Variants in ZMYM4 observed in about 807,000 individuals in gnomAD.
ZMYM4 encodes zinc finger MYM-type protein 4.
A neutral mutation model predicts 183.2 loss-of-function variants in ZMYM4; 31 were observed. The observed-to-expected ratio is 0.17, with a 90% CI of 0.13 to 0.23. The LOEUF is 0.23. ZMYM4 is among the 10% of genes least tolerant of loss of function. The pLI is 1.00. For synonymous variants in ZMYM4, 592 were observed against 631.2 expected (o/e 0.94, Z 0.93); for missense variants, 1,273 against 1,840.3 (o/e 0.69, Z 5.64).
rs766534408 is a variant in ZMYM4 at position 35,392,358 on chromosome 1, G to A, written c.2728+6G>A. The A allele has an allele frequency of 8.7e-6, 14 of 1,610,686 alleles. No individual in the cohort carries two copies. Among genetic ancestry groups the A allele is most frequent in the Admixed American group, 5.1e-5 (3 of 59,164 alleles). ...TTCTAACAGTGTCTTACAAGGTATG[G>A]CTTGATTGGAAAGCATTTATCTAGC... On this transcript the variant is annotated splice_donor_region_variant and intron_variant, in intron 16 of 29. Transcript: ENST00000314607.
At chr1:35,345,741 C>G (rs1198579457) in intron 2 of ZMYM4, among the ~76,000 whole-genome samples, 2 of 152,164 alleles carry the variant, frequency 1.3e-5, no homozygotes, top group Non-Finnish European at 1.5e-5. Context: ...GCCACTGTAC[C>G]CAGCCTCCCA....
At chr1:35,386,895 C>T in intron 11 of ZMYM4, 108 bp from the exon 12 acceptor site, 1 of 1,250,672 alleles carries the variant, frequency 8.0e-7, no homozygotes, top group Non-Finnish European at 1.1e-6. Flanking sequence ...TGCCTGTTAA[C>T]AGATGTACCT....
chr1:35,389,127 A>T lies in ZMYM4; in HGVS notation c.2436+45A>T. Reference sequence around the variant, plus strand: ...CTGGGTTTTTCATTCTAGGGCATAAATTATTCCCTTTTAAAATTTCATGTC... The same window carrying T: ...CTGGGTTTTTCATTCTAGGGCATAATTTATTCCCTTTTAAAATTTCATGTC... On this transcript the variant is annotated intron_variant, in intron 14 of 29. Coordinates refer to ENST00000314607, the MANE Select transcript of ZMYM4 (RefSeq NM_005095.3). This position sits in a 1 kb window ranked among gnomAD's most constrained non-coding sequence, Gnocchi z 4.0. 6.5e-7 allele frequency: 1 copy of T among 1,535,292 alleles called. No individual in the cohort carries two copies. Among genetic ancestry groups the T allele is most frequent in the Non-Finnish European group, 8.8e-7 (1 of 1,141,152 alleles).
At chr1:35,324,889 G>A (rs1445839788) in intron 1 of ZMYM4, among the ~76,000 whole-genome samples, 1 of 152,214 alleles carries the variant, frequency 6.6e-6, no homozygotes, top group East Asian at 1.9e-4. Flanking sequence ...AGGCACTAAC[G>A]TACTCAGTAG....
At position 35,389,779 on chromosome 1, in the gene ZMYM4, ATATGTG is replaced by A. The variant is rs1475694165; in HGVS notation, c.2437-167_2437-162del. Among the ~76,000 whole-genome samples the A allele has an allele frequency of 8.7e-6, 1 of 114,290 alleles. No homozygotes were observed. Among genetic ancestry groups the A allele is most frequent in the African/African-American group, 6.0e-5 (1 of 16,646 alleles). 75.0% of individuals were successfully genotyped at this position (114,290 alleles called of 152,430 possible). On this transcript the variant is annotated intron_variant, in intron 14 of 29. Transcript: ENST00000314607. The surrounding 1 kb of genome is among the most constrained non-coding windows in gnomAD (Gnocchi z 4.0). ...CAAAAAAAAAAAAAAATATATATAT[ATATGTG>A]TGTGTGTGTGTGTGTGTGTGTGTAT...
chr1:35,352,386 G>GCGCGCGCGCA (rs1231646476), intron 2 of ZMYM4, among the ~76,000 whole-genome samples: 1 of 128,394 alleles, frequency 7.8e-6, no homozygotes, highest in African/African-American at 3.0e-5. Flanking sequence ...AAAAATTAGC[G>GCGCGCGCGCA]CACACACACA....
At chr1:35,382,125 A>T (rs1389980826) in intron 9 of ZMYM4, among the ~76,000 whole-genome samples, 1 of 150,696 alleles carries the variant, frequency 6.6e-6, no homozygotes, top group Non-Finnish European at 1.5e-5. Flanking sequence ...AGCCTGGGCA[A>T]CAAGAGTGAA....
chr1:35,346,720 C>G (rs1403257066), intron 2 of ZMYM4, among the ~76,000 whole-genome samples: 1 of 149,980 alleles, frequency 6.7e-6, no homozygotes, highest in Non-Finnish European at 1.5e-5. Flanking sequence ...CCCTAAGTAG[C>G]TTTCTAAGCC....
At chr1:35,340,217 G>A (rs1487476701) in intron 2 of ZMYM4, among the ~76,000 whole-genome samples, 1 of 151,982 alleles carries the variant, frequency 6.6e-6, no homozygotes, top group Non-Finnish European at 1.5e-5. Context: ...CATGAACTTG[G>A]TATGTCTTTG....
chr1:35,396,951 C>T (rs904934782), intron 19 of ZMYM4: 11 of 612,344 alleles, frequency 1.8e-5, no homozygotes, highest in Non-Finnish European at 2.3e-5. Flanking sequence ...ATGTTGAAAT[C>T]CTGGATTCTA....
intron 5 of ZMYM4, among the ~76,000 whole-genome samples, chr1:35,366,452 A>G (rs572344182): frequency 2.2e-4 from 33 of 152,218 alleles, no homozygotes; most frequent in Non-Finnish European, 4.9e-4. Context: ...ATTAGAAGAA[A>G]AAATAATGGA....
At chr1:35,304,026 GTTTC>G (rs1641410974) in intron 1 of ZMYM4, among the ~76,000 whole-genome samples, 1 of 151,286 alleles carries the variant, frequency 6.6e-6, no homozygotes, top group Non-Finnish European at 1.5e-5. Flanking sequence ...TTACCATACA[GTTTC>G]TTTTTTTTTT....
intron 23 of ZMYM4, chr1:35,400,116 C>G (rs1644878253): frequency 7.9e-6 from 1 of 126,424 alleles, no homozygotes; most frequent in Admixed American, 8.6e-5. Context: ...ACACTCCAGC[C>G]TGGGTTACAG....
chr1:35,294,606 G>C (rs1459661713), intron 1 of ZMYM4, among the ~76,000 whole-genome samples: 1 of 152,128 alleles, frequency 6.6e-6, no homozygotes, highest in Non-Finnish European at 1.5e-5. Flanking sequence ...AGAGTATATA[G>C]ATCATTCGTG....
intron 2 of ZMYM4, among the ~76,000 whole-genome samples, chr1:35,354,727 TAAAAA>T (rs57493035): frequency 2.1e-4 from 18 of 84,034 alleles, no homozygotes; most frequent in African/African-American, 9.3e-4. Context: ...ACTTTGTCTT[TAAAAA>T]AAAAAAAAAA....
At chr1:35,401,627 T>C (rs1464937993) in intron 23 of ZMYM4, among the ~76,000 whole-genome samples, 2 of 152,174 alleles carry the variant, frequency 1.3e-5, no homozygotes, top group Non-Finnish European at 2.9e-5. Context: ...GAAGTCCCTT[T>C]TATCAATTTG....
In ZMYM4 at chr1:35,389,843, C is replaced by A; in HGVS notation, c.2437-105C>A. ...GATAAAGACAAACTAATTTTTTGAT[C>A]TAAATTCTAAGTTAATTTCGTCACT... is the stretch of plus-strand genomic sequence containing the variant. On this transcript the variant is annotated intron_variant, in intron 14 of 29. Coordinates refer to ENST00000314607, the MANE Select transcript of ZMYM4 (RefSeq NM_005095.3). This position sits in a 1 kb window ranked among gnomAD's most constrained non-coding sequence, Gnocchi z 4.0. 4.4e-6 allele frequency: 5 copies of A among 1,142,074 alleles called. No homozygotes were observed. The highest frequency in any genetic ancestry group is 1.6e-5 in the South Asian group (1 of 61,282). The allele number at this position is 1,142,074 out of a possible 1,614,324, so 70.7% of individuals were successfully genotyped here.
At chr1:35,333,208 A>G (rs965839546) in intron 2 of ZMYM4, among the ~76,000 whole-genome samples, 1 of 151,318 alleles carries the variant, frequency 6.6e-6, no homozygotes, top group African/African-American at 2.4e-5. Context: ...GGCATTAACT[A>G]TTTCCAGTAA....
chr1:35,381,274 A>G lies in ZMYM4; in HGVS notation c.1197A>G (p.Pro399=). 3 of 1,587,466 alleles carry G rather than the reference A, an allele frequency of 1.9e-6. No homozygotes were observed. Among genetic ancestry groups the G allele is most frequent in the Non-Finnish European group, 2.6e-6 (3 of 1,168,236 alleles). Reference sequence around the variant, plus strand: ...TTATTTTTAGAGACATTTTAAATCCAAAGGATGTGATCAGTGCCCAGTTTG... The same window carrying G: ...TTATTTTTAGAGACATTTTAAATCCGAAGGATGTGATCAGTGCCCAGTTTG... ...CSSCSKDILN[P]KDVISAQFEN... is the part of the protein sequence containing the mutation. The change falls in exon 8 of 30, where the codon CCA becomes CCG. Residue 399 remains proline, a synonymous_variant. Coordinates refer to ENST00000314607, the MANE Select transcript of ZMYM4 (RefSeq NM_005095.3).
Sources: allele counts gnomAD v4.1 joint callset (sites outside exome capture counted in the v4.1 genomes callset), GRCh38; gene constraint gnomAD v4.1.1; non-coding constraint Gnocchi (gnomAD v3.1); transcripts MANE v1.5; gene names NCBI Gene and HGNC (gene_info 2026-07-23, HGNC 2026-07-21).